Variants in CXADR observed in about 807,000 individuals in gnomAD.
CXADR encodes the protein CXADR cell adhesion molecule, also known as coxsackievirus and adenovirus receptor.
A neutral mutation model predicts 40.3 loss-of-function variants in CXADR; 20 were observed. The observed-to-expected ratio is 0.50, with a 90% confidence interval of 0.35 to 0.72. CXADR has a LOEUF of 0.72. Among genes scored for constraint, CXADR ranks in the 30% least tolerant of loss-of-function variants. CXADR has a pLI of 0.01. For missense variants in CXADR, 332 were observed against 449.1 expected, an observed-to-expected ratio of 0.74 and a Z score of 2.36; for synonymous variants, 150 against 161.3, an observed-to-expected ratio of 0.93 and a Z score of 0.53.
chr21:17,538,141 G>A (rs894318914), intron 1 of CXADR, among the ~76,000 whole-genome samples: 10 of 151,998 alleles, frequency 6.6e-5, no homozygotes, highest in African/African-American at 9.7e-5. Flanking sequence ...AGCTGAGACC[G>A]TAGGCATGTG....
At chr21:17,553,538 C>T (rs1363795935) in intron 3 of CXADR, among the ~76,000 whole-genome samples, 2 of 151,414 alleles carry the variant, frequency 1.3e-5, no homozygotes, top group Non-Finnish European at 2.9e-5. Flanking sequence ...TCTGTGTCTT[C>T]ATTGAGTAAA....
At chr21:17,539,940 G>A (rs111622944) in intron 1 of CXADR, among the ~76,000 whole-genome samples, 2 of 152,098 alleles carry the variant, frequency 1.3e-5, no homozygotes, top group African/African-American at 2.4e-5. Context: ...TCAGGCTGCC[G>A]TAACAAAATG....
chr21:17,587,854 G>T (rs1182361866), intron 7 of CXADR, among the ~76,000 whole-genome samples: 3 of 151,616 alleles, frequency 2.0e-5, no homozygotes, highest in Admixed American at 6.6e-5. Context: ...TTCTTCTAGG[G>T]TTATGGTTTT....
chr21:17,578,434 G>A (rs2061336885), intron 7 of CXADR, among the ~76,000 whole-genome samples: 1 of 152,224 alleles, frequency 6.6e-6, no homozygotes, highest in Admixed American at 6.5e-5. Context: ...GCGCCCTGGG[G>A]CACGCAGGAA....
chr21:17,587,247 T>C (rs925652016), intron 7 of CXADR, among the ~76,000 whole-genome samples: 1 of 152,318 alleles, frequency 6.6e-6, no homozygotes, highest in East Asian at 1.9e-4. Context: ...CCTTTGGGTA[T>C]ATACCCAGTA....
At chr21:17,589,320 T>C (rs2061418772) in intron 7 of CXADR, among the ~76,000 whole-genome samples, 1 of 152,072 alleles carries the variant, frequency 6.6e-6, no homozygotes, top group Non-Finnish European at 1.5e-5. Flanking sequence ...CCACAAAACA[T>C]ACAATTTGAT....
At position 17,561,535 on chromosome 21, in the gene CXADR, G is replaced by A. The variant is rs2061121357; in HGVS notation, c.833+59G>A. 13 of 1,449,056 alleles carry A rather than the reference G, an allele frequency of 9.0e-6. No homozygotes were observed. The Middle Eastern group carries it at 7.2e-4, about 81-fold the overall frequency. The allele number at this position is 1,449,056 out of a possible 1,614,324, so 89.8% of individuals were successfully genotyped here. ...ACCAAATATATGTCATTTCTCTAAAGCATTCGTTCTCTTATTAACCACCCA... is the reference window on the plus strand; with the variant it reads ...ACCAAATATATGTCATTTCTCTAAAACATTCGTTCTCTTATTAACCACCCA... On this transcript the variant is annotated intron_variant, in intron 6 of 6. Transcript: ENST00000284878.
chr21:17,602,992 C>T, the CXADR span, among the ~76,000 whole-genome samples: 2 of 152,066 alleles, frequency 1.3e-5, no homozygotes, highest in Non-Finnish European at 2.9e-5. Flanking sequence ...TTAGCTTTTT[C>T]ATTTTTGCCT....
chr21:17,612,805 G>C, the CXADR span: 1 of 152,192 alleles, frequency 6.6e-6, no homozygotes, highest in South Asian at 2.1e-4. Context: ...GCAACAGGGA[G>C]CGCAGCGAGC....
the CXADR span, chr21:17,609,179 G>A: frequency 6.3e-7 from 1 of 1,589,646 alleles, no homozygotes; most frequent in Non-Finnish European, 8.5e-7. Flanking sequence ...TGTTTTCTCA[G>A]AAAAACAAAA....
chr21:17,594,792 A>G (rs2061483149), downstream of CXADR, among the ~76,000 whole-genome samples: 1 of 127,962 alleles, frequency 7.8e-6, no homozygotes, highest in Non-Finnish European at 1.7e-5. Context: ...GGAGGTAATG[A>G]TAAGAACTTA....
intron 1 of CXADR, among the ~76,000 whole-genome samples, chr21:17,542,707 C>T (rs1342639004): frequency 6.6e-6 from 1 of 152,188 alleles, no homozygotes; most frequent in Non-Finnish European, 1.5e-5. Context: ...TATTTTATCA[C>T]ATCCTGAATT....
At chr21:17,630,762 T>C in the CXADR span, among the ~76,000 whole-genome samples, 1 of 151,872 alleles carries the variant, frequency 6.6e-6, no homozygotes, top group Non-Finnish European at 1.5e-5. Context: ...CATTTTAAGT[T>C]ATTTTTCTGC....
chr21:17,554,530 G>A (rs1399129475), intron 3 of CXADR, among the ~76,000 whole-genome samples: 1 of 152,156 alleles, frequency 6.6e-6, no homozygotes, highest in African/African-American at 2.4e-5. Flanking sequence ...GGAGAAAGCA[G>A]GGAAGTGATT....
At chr21:17,526,216 G>T (rs2060596590) in intron 1 of CXADR, among the ~76,000 whole-genome samples, 1 of 152,128 alleles carries the variant, frequency 6.6e-6, no homozygotes, top group South Asian at 2.1e-4. Flanking sequence ...AAAGCATGGG[G>T]GCAGTGTGCC....
downstream of CXADR, among the ~76,000 whole-genome samples, chr21:17,572,466 T>TA (rs1419858561): frequency 6.6e-6 from 1 of 151,946 alleles, no homozygotes; most frequent in Non-Finnish European, 1.5e-5. Context: ...CTTGCGCAAA[T>TA]ACAGCATGGG....
chr21:17,542,488 A>T (rs2060842416), intron 1 of CXADR, among the ~76,000 whole-genome samples: 1 of 152,198 alleles, frequency 6.6e-6, no homozygotes. Flanking sequence ...TGATGCTCAG[A>T]TATAAGTCAG....
intron 1 of CXADR, among the ~76,000 whole-genome samples, chr21:17,544,319 T>C (rs2060866664): frequency 6.6e-6 from 1 of 152,202 alleles, no homozygotes; most frequent in Non-Finnish European, 1.5e-5. Context: ...TCATTTTAAA[T>C]AGAAACATGG....
the CXADR span, among the ~76,000 whole-genome samples, chr21:17,620,184 C>T: frequency 2.6e-5 from 4 of 152,224 alleles, no homozygotes; most frequent in Non-Finnish European, 5.9e-5. Flanking sequence ...TTGCCATCCA[C>T]GCTAAACTTA....
Sources: allele counts gnomAD v4.1 joint callset (sites outside exome capture counted in the v4.1 genomes callset), GRCh38; gene constraint gnomAD v4.1.1; transcripts MANE v1.5; gene names NCBI Gene and HGNC (gene_info 2026-07-23, HGNC 2026-07-21).